DNAH17: variants seen among roughly 807,000 people sequenced by gnomAD.
DNAH17 encodes axonemal beta dynein heavy chain 17.
Under a neutral mutation model 485.6 loss-of-function variants are expected in DNAH17, and 376 were observed. The ratio of observed to expected loss-of-function variants is 0.77; its 90% CI spans 0.71 to 0.84. The LOEUF is 0.84. Ranked by LOEUF, DNAH17 falls within the 40% of genes least tolerant of loss-of-function variation. The pLI, the probability that DNAH17 is intolerant of heterozygous loss-of-function variation, is 0.00. For synonymous variants in DNAH17, 3,031 were observed against 2,405.9 expected (o/e 1.26, Z -7.60); for missense variants, 6,370 against 5,839.3 (o/e 1.09, Z -2.96).
chr17:78,530,610 C>T (rs539296301), intron 20 of DNAH17, 98 bp from the exon 21 acceptor site: 86 of 1,402,744 alleles, frequency 6.1e-5, no homozygotes, highest in South Asian at 3.0e-4. Context: ...ACTGCACCTG[C>T]GCTGCTCACC....
chr17:78,545,311 C>T (rs952363820), intron 16 of DNAH17, among the ~76,000 whole-genome samples: 8 of 152,244 alleles, frequency 5.3e-5, no homozygotes, highest in Admixed American at 5.2e-4. Context: ...GTCAGAAAAA[C>T]GCGTTCTGTA....
In DNAH17 at chr17:78,490,874, G is replaced by T. The variant is rs1044820580; in HGVS notation, c.6670-27C>A. The T allele has an allele frequency of 5.1e-6, 8 of 1,563,542 alleles. No individual in the cohort carries two copies. In the African/African-American group the frequency reaches 8.1e-5, roughly 16 times the overall value. The stretch of plus-strand genomic sequence containing the variant: ...TAGGAGGGGGACAGCAGCCCGTGGG[G>T]TCCTAAGGCGACACCTGCCATCCCA... On this transcript the variant is annotated intron_variant, in intron 43 of 80. Transcript: ENST00000389840.
Position 78,501,151 on chromosome 17 carries a change from AGCACATGTGAGTTAC to A in DNAH17, c.5483+18_5483+32del. 3 of 1,543,206 alleles carry A rather than the reference AGCACATGTGAGTTAC, an allele frequency of 1.9e-6. No homozygotes were observed. The highest frequency in any genetic ancestry group is 2.6e-6 in the Non-Finnish European group (3 of 1,134,748). ...AATCATGCGGAAGGGACCCACCAAG[AGCACATGTGAGTTAC>A]TCAGGGACGGGCCTCACCTGTCAGT... On this transcript the variant is annotated intron_variant, in intron 35 of 80. Transcript: ENST00000389840.
chr17:78,478,650 TCAC>T (rs974126848), intron 51 of DNAH17, among the ~76,000 whole-genome samples: 3 of 142,716 alleles, frequency 2.1e-5, no homozygotes, highest in African/African-American at 8.1e-5. Context: ...ACCATTACCA[TCAC>T]CACCATCACT....
In DNAH17 at chr17:78,458,429, T is replaced by C. The variant is rs1251530095; in HGVS notation, c.9977+136A>G. 10 of 704,540 alleles carry C rather than the reference T, an allele frequency of 1.4e-5. No individual in the cohort carries two copies. The Admixed American group carries it at 2.1e-4, about 15-fold the overall frequency. The allele number at this position is 704,540 out of a possible 1,614,324, so 43.6% of individuals were successfully genotyped here. A position where few individuals can be genotyped will look rare whatever the true frequency, so the allele number is the denominator to read the frequency against. ...AGGCCAAGTTTTATCCTAATTACTT[T>C]GAGCTCAAGAAGTGAAAGTGGCAAC... On this transcript the variant is annotated intron_variant, in intron 62 of 80. Coordinates refer to ENST00000389840, the MANE Select transcript of DNAH17 (RefSeq NM_173628.4).
rs763893553 is a variant in DNAH17, at chr17:78,530,481, A to C, written c.3146T>G (p.Val1049Gly). The change falls in exon 21 of 81, where the codon GTG becomes GGG. Residue 1049 changes from valine to glycine, a missense_variant. Val to Gly is a moderately radical substitution (Grantham distance 109). Transcript: ENST00000389840. ...CACCTTGGTGTTCTCGCACTTGGAC[A>C]CCTCCTCATACAGCTTCTCGTAGGA... ...IDSYEKLYEE[V>G]SKCENTKVFH... is the part of the protein sequence containing the mutation. 1 of 1,610,720 alleles carries C rather than the reference A, an allele frequency of 6.2e-7. No individual in the cohort carries two copies. Among genetic ancestry groups the C allele is most frequent in the Non-Finnish European group, 8.5e-7 (1 of 1,177,852 alleles).
chr17:78,533,792 C>G (rs892517669), intron 19 of DNAH17, among the ~76,000 whole-genome samples: 42 of 152,286 alleles, frequency 2.8e-4, no homozygotes, highest in African/African-American at 9.9e-4. Flanking sequence ...TCAAGTGATT[C>G]TCCTGCCTCA....
At chr17:78,519,278 A>T (rs1383649268) in intron 25 of DNAH17, among the ~76,000 whole-genome samples, 1 of 152,118 alleles carries the variant, frequency 6.6e-6, no homozygotes, top group African/African-American at 2.4e-5. Flanking sequence ...ACTGAATGTA[A>T]TATCAAAATA....
chr17:78,555,543 CAAAAAA>C (rs765954549), intron 14 of DNAH17, among the ~76,000 whole-genome samples: 8 of 77,692 alleles, frequency 1.0e-4, no homozygotes, highest in East Asian at 9.1e-4. Flanking sequence ...GATTCCGTCA[CAAAAAA>C]AAAAAAAAAA....
At chr17:78,527,904 G>A (rs1414961208) in intron 22 of DNAH17, among the ~76,000 whole-genome samples, 2 of 151,960 alleles carry the variant, frequency 1.3e-5, no homozygotes, top group South Asian at 2.1e-4. Flanking sequence ...TCAACCTCCC[G>A]AGCAGCTAGG....
At chr17:78,478,023 C>CCACCACCATCA (rs1448358673) in intron 51 of DNAH17, among the ~76,000 whole-genome samples, 3 of 93,352 alleles carry the variant, frequency 3.2e-5, no homozygotes, top group African/African-American at 1.2e-4. Context: ...ATCACCATCA[C>CCACCACCATCA]CACCACCATC....
intron 75 of DNAH17, among the ~76,000 whole-genome samples, chr17:78,429,608 G>A (rs532570910): frequency 1.3e-5 from 2 of 152,324 alleles, no homozygotes; most frequent in Non-Finnish European, 2.9e-5. Context: ...CTCCCGTGGG[G>A]CAGGTGTTTC....
Position 78,537,307 on chromosome 17 carries a change from T to C in DNAH17, c.2851A>G (p.Asn951Asp). Residue 951 changes from asparagine (N) to aspartate (D), a missense_variant, in exon 19 of 81, where the codon AAC becomes GAC. By Grantham distance (23) the Asn-to-Asp change is conservative. Coordinates refer to ENST00000389840, the MANE Select transcript of DNAH17 (RefSeq NM_173628.4). ...LIPRLAKDRM[N>D]YKMDLEDNTD... The stretch of plus-strand genomic sequence containing the variant: ...AAGAGGCCAGGACTGACCTTGTAGT[T>C]CATCCTGTCCTTGGCCAGCCGAGGG... The C allele has an allele frequency of 6.4e-7, 1 of 1,564,016 alleles. No individual in the cohort carries two copies. Among genetic ancestry groups the C allele is most frequent in the Non-Finnish European group, 8.7e-7 (1 of 1,154,356 alleles).
At position 78,479,585 on chromosome 17, in the gene DNAH17, G is replaced by A. The variant is rs776428628; in HGVS notation, c.7800C>T (p.Leu2600=). 2.5e-6 allele frequency: 4 copies of A among 1,613,428 alleles called. No homozygotes were observed. In the African/African-American group the frequency reaches 5.3e-5, roughly 22 times the overall value. Residue 2600 remains leucine, a synonymous_variant, in exon 50 of 81, where the codon CTC becomes CTT. Coordinates refer to ENST00000389840, the MANE Select transcript of DNAH17 (RefSeq NM_173628.4). ...TCAGGATTGTGTTGTAGATGGTGGT[G>A]AGGGCCTCCTGGCCGGGGAAGCTCA... The part of the protein sequence containing the change: ...FAVSFPGQEA[L]TTIYNTILTQ...
chr17:78,570,508 C>CTCCCCT, intron 6 of DNAH17, 136 bp from the exon 7 acceptor site: 6 of 1,172,238 alleles, frequency 5.1e-6, no homozygotes, highest in Non-Finnish European at 7.0e-6. Flanking sequence ...AGAGGCAACT[C>CTCCCCT]CCTAGGCCCA....
Position 78,571,655 on chromosome 17 carries a change from G to A in DNAH17, c.667C>T (p.Leu223=). Residue 223 remains leucine, a synonymous_variant, in exon 4 of 81, where the codon CTG becomes TTG. Transcript: ENST00000389840. Reference sequence around the variant, plus strand: ...CAGAACTCGAACTCCACTTGGGGCAGGGGGTGCAGCCCATCCAGCAGCGCC... The same window carrying A: ...CAGAACTCGAACTCCACTTGGGGCAAGGGGTGCAGCCCATCCAGCAGCGCC... ...AQALLDGLHP[L]PQVEFEFWDT... The A allele has an allele frequency of 6.2e-7, 1 of 1,613,274 alleles. No homozygotes were observed. Among genetic ancestry groups the A allele is most frequent in the East Asian group, 2.2e-5 (1 of 44,878 alleles).
chr17:78,525,155 T>G lies in DNAH17; in HGVS notation c.3718A>C (p.Lys1240Gln). 1 of 1,612,740 alleles carries G rather than the reference T, an allele frequency of 6.2e-7. No homozygotes were observed. The highest frequency in any genetic ancestry group is 8.5e-7 in the Non-Finnish European group (1 of 1,179,336). ...NPYKSLNKQQ[K>Q]SISAMEGIME... ...ATGCCTTCCATGGCGGAGATGCTCTTTTGTTGCTAGGGGCGGCGAGGGGGC... is the reference window on the plus strand; with the variant it reads ...ATGCCTTCCATGGCGGAGATGCTCTGTTGTTGCTAGGGGCGGCGAGGGGGC... Residue 1240 changes from lysine to glutamine, a missense_variant, in exon 25 of 81, where the codon AAG (lysine) becomes CAG (glutamine). Lys to Gln is a moderately conservative substitution (Grantham distance 53). Coordinates refer to ENST00000389840, the MANE Select transcript of DNAH17 (RefSeq NM_173628.4).
chr17:78,477,981 TCAC>T (rs780422881), intron 51 of DNAH17, among the ~76,000 whole-genome samples: 4,319 of 105,716 alleles, frequency 0.041, 277 homozygotes, highest in African/African-American at 0.15. Context: ...ACCATCATCA[TCAC>T]CACCATCACC....
chr17:78,445,542 A>G lies in DNAH17; in HGVS notation c.11334+16T>C. The G allele has an allele frequency of 1.3e-6, 2 of 1,559,028 alleles. No homozygotes were observed. Among genetic ancestry groups the G allele is most frequent in the Non-Finnish European group, 8.7e-7 (1 of 1,151,024 alleles). The stretch of plus-strand genomic sequence containing the variant: ...GCGGGGAGAAAGCACAACGTGTTCA[A>G]CGTCTAAAGACGAACCTTGATCCCG... On this transcript the variant is annotated intron_variant, in intron 70 of 80. Coordinates refer to ENST00000389840, the MANE Select transcript of DNAH17 (RefSeq NM_173628.4).
Sources: gnomAD v4.1 joint callset for allele counts (sites outside exome capture counted in the v4.1 genomes callset) on GRCh38, gnomAD v4.1.1 for gene constraint, MANE v1.5 for transcripts, NCBI Gene and HGNC (gene_info 2026-07-23, HGNC 2026-07-21) for gene names.